PXK: variants seen among roughly 807,000 people sequenced by gnomAD.
PXK encodes PX domain containing serine/threonine kinase like.
A neutral mutation model predicts 84.7 loss-of-function variants in PXK; 35 were observed. The observed-to-expected ratio is 0.41, with a 90% CI of 0.32 to 0.55. The LOEUF is 0.55. Among genes scored for constraint, PXK ranks in the 20% least tolerant of loss-of-function variants. The pLI is 0.21. For missense variants in PXK, 634 were observed against 699.7 expected (o/e 0.91, Z 1.06); for synonymous variants, 253 against 260.8 (o/e 0.97, Z 0.29).
chr3:58,337,086 A>G (rs1314547898), intron 1 of PXK, among the ~76,000 whole-genome samples: 1 of 152,162 alleles, frequency 6.6e-6, no homozygotes, highest in Non-Finnish European at 1.5e-5. Context: ...CAGGGATTAC[A>G]GGTTTGAGCC....
Position 58,333,005 on chromosome 3 carries a change from A to G in PXK, c.17A>G (p.Lys6Arg), listed in dbSNP as rs1248467121. 1.5e-6 allele frequency: 2 copies of G among 1,365,336 alleles called. No individual in the cohort carries two copies. The highest frequency in any genetic ancestry group is 3.6e-5 in the East Asian group (1 of 28,046). 84.6% of individuals were successfully genotyped at this position (1,365,336 alleles called of 1,614,324 possible). The change falls in exon 1 of 18, where the codon AAG (lysine) becomes AGG (arginine). Residue 6 changes from lysine to arginine, a missense_variant. Physicochemically the swap from Lys to Arg is conservative, Grantham distance 26. Transcript: ENST00000356151. The surrounding 1 kb of genome is among the most constrained non-coding windows in gnomAD (Gnocchi z 5.4). Reference sequence around the variant, plus strand: ...CGTCCCGGGATGGCCTTCATGGAGAAGCCGCCAGCCGGCAAGGTGCTGCTG... The same window carrying G: ...CGTCCCGGGATGGCCTTCATGGAGAGGCCGCCAGCCGGCAAGGTGCTGCTG... MAFME[K>R]PPAGKVLLDD...
In PXK at chr3:58,420,760, T is replaced by C. The variant is rs1576868548; in HGVS notation, c.1529-3992T>C. ...CACCCAGTGACTTCATCTATATTCATTTCATTTTCATCATGACCTTCAAAA... is the reference window on the plus strand; with the variant it reads ...CACCCAGTGACTTCATCTATATTCACTTCATTTTCATCATGACCTTCAAAA... On this transcript the variant is annotated intron_variant, in intron 17 of 17. Transcript: ENST00000356151. 7 of 1,395,710 alleles carry C rather than the reference T, an allele frequency of 5.0e-6. No individual in the cohort carries two copies. The East Asian group carries it at 1.9e-4, about 37-fold the overall frequency. 86.5% of individuals were successfully genotyped at this position (1,395,710 alleles called of 1,614,324 possible).
chr3:58,422,106 T>A, intron 17 of PXK: 1 of 985,318 alleles, frequency 1.0e-6, no homozygotes, highest in Non-Finnish European at 1.2e-6. Context: ...TTGTTAGCCA[T>A]GTGTTGTAGC....
rs2060670231 is a variant in PXK, at chr3:58,414,437, T to A, written c.1528+1474T>A. On this transcript the variant is annotated intron_variant, in intron 17 of 17. Coordinates refer to ENST00000356151, the MANE Select transcript of PXK (RefSeq NM_017771.5). The surrounding 1 kb of genome is among the most constrained non-coding windows in gnomAD (Gnocchi z 4.5). ...AATTTATTTGGACTTTTGGGGGGAATTCTCTAATTTATCTGTGTTTAAATG... is the reference window on the plus strand; with the variant it reads ...AATTTATTTGGACTTTTGGGGGGAAATCTCTAATTTATCTGTGTTTAAATG... 1 of 152,250 alleles carries A rather than the reference T, an allele frequency of 6.6e-6. No homozygotes were observed. Among genetic ancestry groups the A allele is most frequent in the African/African-American group, 2.4e-5 (1 of 41,466 alleles). 9.4% of individuals were successfully genotyped at this position (152,250 alleles called of 1,614,324 possible). A position where few individuals can be genotyped will look rare whatever the true frequency, so the allele number is the denominator to read the frequency against.
At chr3:58,335,067 C>T (rs1042684956) in intron 1 of PXK, among the ~76,000 whole-genome samples, 3 of 137,114 alleles carry the variant, frequency 2.2e-5, no homozygotes, top group South Asian at 2.4e-4. Flanking sequence ...GTGGAGACAG[C>T]GTCTCACCAT....
rs542388577 is a variant in PXK, at chr3:58,409,850, G to A, written c.1395+232G>A. ...CCTAGCTTGCTGGGCAGATTATGGC[G>A]TAATGTAATTGGAGGAAACGATTGG... On this transcript the variant is annotated intron_variant, in intron 15 of 17. Transcript: ENST00000356151. This position sits in a 1 kb window ranked among gnomAD's most constrained non-coding sequence, Gnocchi z 4.2. Among the ~76,000 whole-genome samples, 10 of 152,246 alleles carry A rather than the reference G, an allele frequency of 6.6e-5. No individual in the cohort carries two copies. The highest frequency in any genetic ancestry group is 4.1e-4 in the South Asian group (2 of 4,820).
At chr3:58,420,621 T>C in intron 17 of PXK, 3 of 1,535,666 alleles carry the variant, frequency 2.0e-6, no homozygotes, top group Non-Finnish European at 2.6e-6. Context: ...TGTTTCTGTG[T>C]GTGAAATAGG....
intron 1 of PXK, among the ~76,000 whole-genome samples, chr3:58,338,832 A>G (rs1369418967): frequency 6.6e-6 from 1 of 151,382 alleles, no homozygotes; most frequent in Non-Finnish European, 1.5e-5. Flanking sequence ...ACAGACGCCC[A>G]CCACCACACC....
intron 17 of PXK, chr3:58,420,866 T>G: frequency 8.3e-7 from 1 of 1,205,660 alleles, no homozygotes; most frequent in East Asian, 4.7e-5. Flanking sequence ...TGGTATATTT[T>G]AATTTTGGAA....
intron 17 of PXK, among the ~76,000 whole-genome samples, chr3:58,418,088 G>A (rs1223012307): frequency 6.6e-6 from 1 of 152,138 alleles, no homozygotes; most frequent in Non-Finnish European, 1.5e-5. Flanking sequence ...CATAACAGTG[G>A]GATTACAGGC....
Position 58,390,528 on chromosome 3 carries a change from A to G in PXK, c.389-54A>G, listed in dbSNP as rs562514480. On this transcript the variant is annotated intron_variant, in intron 4 of 17. Coordinates refer to ENST00000356151, the MANE Select transcript of PXK (RefSeq NM_017771.5). This position sits in a 1 kb window ranked among gnomAD's most constrained non-coding sequence, Gnocchi z 4.2. The stretch of plus-strand genomic sequence containing the variant: ...CATTTACAAGAATAATATCTTCAGC[A>G]TATGGCCCTTTCCTGATATGTCTGA... The G allele has an allele frequency of 1.0e-4, 143 of 1,363,404 alleles. No homozygotes were observed. Among genetic ancestry groups the G allele is most frequent in the South Asian group, 3.5e-4 (29 of 82,520 alleles). 84.5% of individuals were successfully genotyped at this position (1,363,404 alleles called of 1,614,324 possible). A position where few individuals can be genotyped will look rare whatever the true frequency, so the allele number is the denominator to read the frequency against.
intron 17 of PXK, among the ~76,000 whole-genome samples, chr3:58,419,397 G>A (rs568947059): frequency 9.2e-5 from 14 of 152,298 alleles, no homozygotes; most frequent in Admixed American, 3.9e-4. Context: ...GATTACAGGC[G>A]CCCACCACCA....
intron 13 of PXK, among the ~76,000 whole-genome samples, chr3:58,405,417 G>T (rs759036619): frequency 3.9e-5 from 6 of 152,072 alleles, no homozygotes; most frequent in African/African-American, 1.2e-4. Context: ...GGTGGCTCAC[G>T]CTTGTAATCC....
intron 1 of PXK, among the ~76,000 whole-genome samples, chr3:58,336,038 C>CAT (rs1168755178): frequency 0.028 from 1,218 of 43,052 alleles, 83 homozygotes; most frequent in Non-Finnish European, 0.043. Context: ...CCTTGGGAAA[C>CAT]ATATATATAT....
At chr3:58,382,491 A>ATT in intron 3 of PXK, 23 bp from the exon 4 acceptor site, 1 of 786,196 alleles carries the variant, frequency 1.3e-6, no homozygotes, top group Non-Finnish European at 1.9e-6. Context: ...CATGAGTGTA[A>ATT]CTTTTTTTTT....
chr3:58,371,637 C>T (rs1230407811), intron 3 of PXK, among the ~76,000 whole-genome samples: 1 of 152,186 alleles, frequency 6.6e-6, no homozygotes, highest in Non-Finnish European at 1.5e-5. Flanking sequence ...CTCTCATTTA[C>T]TCATACTTTG....
chr3:58,396,558 G>A (rs112456337), intron 9 of PXK, among the ~76,000 whole-genome samples: 2,953 of 152,292 alleles, frequency 0.019, 88 homozygotes, highest in African/African-American at 0.063. Context: ...CTGGGATCCT[G>A]TTGTGTGTTC....
intron 4 of PXK, among the ~76,000 whole-genome samples, chr3:58,386,794 C>T (rs1457532286): frequency 1.3e-5 from 2 of 152,112 alleles, no homozygotes; most frequent in East Asian, 1.9e-4. Flanking sequence ...CTCAGTGGGC[C>T]CACATCCTGA....
At chr3:58,354,637 T>TG (rs1465631606) in intron 1 of PXK, among the ~76,000 whole-genome samples, 2 of 151,848 alleles carry the variant, frequency 1.3e-5, no homozygotes, top group Non-Finnish European at 2.9e-5. Flanking sequence ...TCAGTAGAGA[T>TG]GGGGGTTTCA....
Sources: allele counts gnomAD v4.1 joint callset (sites outside exome capture counted in the v4.1 genomes callset), GRCh38; gene constraint gnomAD v4.1.1; non-coding constraint Gnocchi (gnomAD v3.1); transcripts MANE v1.5; gene names NCBI Gene and HGNC (gene_info 2026-07-23, HGNC 2026-07-21).